RABGAP1L: variants seen among roughly 807,000 people sequenced by gnomAD.
RABGAP1L encodes the protein rab GTPase-activating protein 1-like.
In RABGAP1L, 63 loss-of-function variants were observed where a neutral mutation model predicts 137.7. The ratio of observed to expected loss-of-function variants is 0.46; its 90% confidence interval spans 0.37 to 0.56. RABGAP1L has a LOEUF of 0.56. Among genes scored for constraint, RABGAP1L ranks in the 20% least tolerant of loss-of-function variants. The pLI, the probability that RABGAP1L is intolerant of heterozygous loss-of-function variation, is 0.00. For synonymous variants in RABGAP1L, 431 were observed against 433.7 expected (o/e 0.99, Z 0.08); for missense variants, 1,095 against 1,244.0 (o/e 0.88, Z 1.80).
chr1:174,351,202 A>G lies in RABGAP1L; in HGVS notation c.1466-19777A>G, dbSNP rs78134222. ...CTACCCAAAATGTGAGTAGTTTACT[A>G]GTTTACAAAGCACAATTATAGTGTT... On this transcript the variant is annotated intron_variant, in intron 11 of 25. Coordinates refer to ENST00000681986, the MANE Select transcript of RABGAP1L (RefSeq NM_001366446.1). 3.8e-3 allele frequency among the ~76,000 whole-genome samples: 584 copies of G among 152,274 alleles called. 6 individuals carry two copies. The highest frequency in any genetic ancestry group is 0.014 in the African/African-American group (566 of 41,556).
intron 1 of RABGAP1L, among the ~76,000 whole-genome samples, chr1:174,164,358 A>G (rs1664744392): frequency 6.6e-6 from 1 of 152,184 alleles, no homozygotes; most frequent in Non-Finnish European, 1.5e-5. Context: ...GTATACATGA[A>G]GGACACCAGG....
intron 19 of RABGAP1L, among the ~76,000 whole-genome samples, chr1:174,847,128 C>T (rs1383651139): frequency 6.1e-5 from 9 of 146,982 alleles, no homozygotes; most frequent in Admixed American, 3.4e-4. Flanking sequence ...TGTCTCTGCA[C>T]GTGAGATGGG....
chr1:174,450,948 TTTA>T (rs1303794188), intron 13 of RABGAP1L, among the ~76,000 whole-genome samples: 3 of 152,152 alleles, frequency 2.0e-5, no homozygotes, highest in African/African-American at 7.2e-5. Context: ...ATGTTGTCAT[TTTA>T]TTGAGGTTGT....
At chr1:174,387,212 G>T (rs1016261307) in intron 12 of RABGAP1L, among the ~76,000 whole-genome samples, 10 of 152,086 alleles carry the variant, frequency 6.6e-5, no homozygotes, top group Admixed American at 5.9e-4. Flanking sequence ...TTTTTTTCCT[G>T]TAAAACAAGT....
intron 13 of RABGAP1L, among the ~76,000 whole-genome samples, chr1:174,575,131 T>C (rs1410496862): frequency 1.3e-5 from 2 of 152,110 alleles, no homozygotes; most frequent in Admixed American, 6.5e-5. Flanking sequence ...GGTTTCTCCA[T>C]GTTAGTCAGG....
intron 4 of RABGAP1L, among the ~76,000 whole-genome samples, chr1:174,232,645 T>C (rs1258497100): frequency 6.6e-5 from 10 of 151,222 alleles, no homozygotes; most frequent in Non-Finnish European, 1.3e-4. Flanking sequence ...TAGCTGGGCA[T>C]GGTGGCGGGC....
At chr1:174,223,966 C>T (rs1253275841) in intron 3 of RABGAP1L, among the ~76,000 whole-genome samples, 1 of 152,024 alleles carries the variant, frequency 6.6e-6, no homozygotes, top group Non-Finnish European at 1.5e-5. Context: ...GAAATGGTAA[C>T]TATGCAGTAA....
At position 174,871,991 on chromosome 1, in the gene RABGAP1L, A is replaced by C. The variant is rs547323035; in HGVS notation, c.2340+60031A>C. Among the ~76,000 whole-genome samples, 53 of 152,336 alleles carry C rather than the reference A, an allele frequency of 3.5e-4. No homozygotes were observed. The South Asian group carries it at 0.011, about 31-fold the overall frequency. On this transcript the variant is annotated intron_variant, in intron 19 of 25. Coordinates refer to ENST00000681986, the MANE Select transcript of RABGAP1L (RefSeq NM_001366446.1). ...AGTTTCAAATGAGGTAAAAAGCTGA[A>C]TTGTTAAAGAGTTGCATCTATTCTT...
At chr1:174,817,404 G>T (rs1690552449) in intron 19 of RABGAP1L, among the ~76,000 whole-genome samples, 1 of 152,154 alleles carries the variant, frequency 6.6e-6, no homozygotes, top group African/African-American at 2.4e-5. Context: ...AGTGTATCAA[G>T]GCAGGGAGAA....
intron 19 of RABGAP1L, among the ~76,000 whole-genome samples, chr1:174,918,133 A>G (rs912327974): frequency 1.3e-5 from 2 of 152,072 alleles, no homozygotes; most frequent in African/African-American, 4.8e-5. Flanking sequence ...ACTATTATGA[A>G]GTAATTATGT....
At chr1:174,383,324 C>T (rs1345113110) in intron 12 of RABGAP1L, among the ~76,000 whole-genome samples, 3 of 150,660 alleles carry the variant, frequency 2.0e-5, no homozygotes, top group Admixed American at 6.6e-5. Context: ...CCACCCAGTT[C>T]GAGCTTCCTG....
rs747821961 is a variant in RABGAP1L at position 174,220,924 on chromosome 1, T to G, written c.139-48T>G. The G allele has an allele frequency of 7.0e-6, 10 of 1,429,164 alleles. No homozygotes were observed. The East Asian group carries it at 1.7e-4, about 24-fold the overall frequency. 88.5% of individuals were successfully genotyped at this position (1,429,164 alleles called of 1,614,324 possible). A position where few individuals can be genotyped will look rare whatever the true frequency, so the allele number is the denominator to read the frequency against. On this transcript the variant is annotated intron_variant, in intron 2 of 25. Coordinates refer to ENST00000681986, the MANE Select transcript of RABGAP1L (RefSeq NM_001366446.1). ...TGAAATACTTTCATAAAATTTAGCT[T>G]CAGAACTATGGTAGAATTGAAACAG... is the stretch of plus-strand genomic sequence containing the variant.
At chr1:174,919,261 G>A (rs758629236) in intron 19 of RABGAP1L, among the ~76,000 whole-genome samples, 1 of 152,014 alleles carries the variant, frequency 6.6e-6, no homozygotes, top group Non-Finnish European at 1.5e-5. Flanking sequence ...CAGGCGATCC[G>A]CCCGCCTTGA....
intron 7 of RABGAP1L, among the ~76,000 whole-genome samples, chr1:174,257,047 TC>T (rs541685317): frequency 4.8e-4 from 73 of 152,114 alleles, no homozygotes; most frequent in South Asian, 1.7e-3. Flanking sequence ...CCCCACCTCC[TC>T]CCCCCAGTAC....
intron 2 of RABGAP1L, 42 bp downstream of exon 2, chr1:174,219,337 A>G: frequency 7.6e-7 from 1 of 1,323,880 alleles, no homozygotes; most frequent in Non-Finnish European, 1.0e-6. Context: ...TTTTAATTAA[A>G]AACTATTTGA....
chr1:174,548,068 T>C (rs1666166911), intron 13 of RABGAP1L: 3 of 1,549,336 alleles, frequency 1.9e-6, no homozygotes, highest in Non-Finnish European at 2.6e-6. Context: ...GCGTCAGTGC[T>C]CTTGGCAGCT....
chr1:174,356,854 A>T (rs1683683429), intron 11 of RABGAP1L, among the ~76,000 whole-genome samples: 1 of 152,220 alleles, frequency 6.6e-6, no homozygotes, highest in African/African-American at 2.4e-5. Flanking sequence ...AATGACAGCT[A>T]ACACTTGGTA....
In RABGAP1L at chr1:174,962,206, C is replaced by CCA. The variant is rs397961801; in HGVS notation, c.2433+4657_2433+4658insCA. On this transcript the variant is annotated intron_variant, in intron 20 of 25. Transcript: ENST00000681986. ...TAAAAATAAAAATACACCCCCCCCC[C>CCA]ACACACACACACAGCTAGTTAATTA... 5.9e-5 allele frequency among the ~76,000 whole-genome samples: 8 copies of CCA among 135,432 alleles called. No individual in the cohort carries two copies. The East Asian group carries it at 9.4e-4, about 16-fold the overall frequency. The allele number at this position is 135,432 out of a possible 152,430, so 88.8% of individuals were successfully genotyped here. A position where few individuals can be genotyped will look rare whatever the true frequency, so the allele number is the denominator to read the frequency against.
At chr1:174,778,151 CT>C (rs1480819686) in intron 18 of RABGAP1L, among the ~76,000 whole-genome samples, 1 of 152,100 alleles carries the variant, frequency 6.6e-6, no homozygotes, top group Non-Finnish European at 1.5e-5. Context: ...AAGGTAAAAT[CT>C]TAAAAAGCAT....
Sources: allele counts gnomAD v4.1 joint callset (sites outside exome capture counted in the v4.1 genomes callset), GRCh38; gene constraint gnomAD v4.1.1; transcripts MANE v1.5; gene names NCBI Gene and HGNC (gene_info 2026-07-23, HGNC 2026-07-21).